MARCHF10: variants seen among roughly 807,000 people sequenced by gnomAD.
MARCHF10 encodes the protein membrane associated ring-CH-type finger 10.
In MARCHF10, 64 loss-of-function variants were observed where a neutral mutation model predicts 76.2. The ratio of observed to expected loss-of-function variants is 0.84; its 90% CI spans 0.69 to 1.03. The LOEUF (loss-of-function observed/expected upper bound fraction) is 1.03. Among genes scored for constraint, MARCHF10 ranks in the 50% least tolerant of loss-of-function variants. The probability of loss-of-function intolerance (pLI) is 0.00; values close to 1 mark genes in which losing one functional copy is unlikely to be tolerated. For missense variants in MARCHF10, 875 were observed against 958.0 expected, an observed-to-expected ratio of 0.91 and a Z score of 1.14; for synonymous variants, 340 against 357.5, an observed-to-expected ratio of 0.95 and a Z score of 0.55.
chr17:62,743,487 C>T (rs1320065409), intron 5 of MARCHF10, among the ~76,000 whole-genome samples: 5 of 151,958 alleles, frequency 3.3e-5, no homozygotes, highest in Admixed American at 3.3e-4. Context: ...TACCAAGATA[C>T]AAAAAATTAG....
chr17:62,736,106 G>A lies in MARCHF10; in HGVS notation c.1762C>T (p.His588Tyr), dbSNP rs752301094. 2 of 1,614,152 alleles carry A rather than the reference G, an allele frequency of 1.2e-6. No individual in the cohort carries two copies. The highest frequency in any genetic ancestry group is 2.2e-5 in the South Asian group (2 of 91,078). The change falls in exon 6 of 11, where the codon CAT (histidine) becomes TAT (tyrosine). Residue 588 changes from histidine to tyrosine, a missense_variant. By Grantham distance (83) the His-to-Tyr change is moderately conservative. Transcript: ENST00000311269. ...SSPSRMNSEG[H>Y]LHVSGSLQEN... The stretch of plus-strand genomic sequence containing the variant: ...TGCAGAGACCCAGACACATGCAAAT[G>A]GCCTTCTGAGTTCATTCTTGATGGA...
At chr17:62,768,574 T>C (rs1380078717) in intron 3 of MARCHF10, among the ~76,000 whole-genome samples, 1 of 152,230 alleles carries the variant, frequency 6.6e-6, no homozygotes, top group African/African-American at 2.4e-5. Flanking sequence ...CAGCAATAGA[T>C]ACCTTTCTAG....
intron 3 of MARCHF10, among the ~76,000 whole-genome samples, chr17:62,785,114 G>A (rs979519014): frequency 1.3e-5 from 2 of 152,118 alleles, no homozygotes; most frequent in African/African-American, 4.8e-5. Flanking sequence ...CATGCTACCT[G>A]ACTTCAAACT....
At chr17:62,794,067 C>T (rs2148169622) in intron 2 of MARCHF10, among the ~76,000 whole-genome samples, 1 of 151,110 alleles carries the variant, frequency 6.6e-6, no homozygotes. Flanking sequence ...TCACCACCTC[C>T]ATCACCACCA....
intron 2 of MARCHF10, among the ~76,000 whole-genome samples, chr17:62,791,795 A>C (rs189041917): frequency 6.6e-6 from 1 of 152,242 alleles, no homozygotes; most frequent in East Asian, 1.9e-4. Context: ...TTGTAATTGT[A>C]AATGATTTTC....
At chr17:62,752,026 G>GA (rs772541806) in intron 4 of MARCHF10, among the ~76,000 whole-genome samples, 304 of 132,480 alleles carry the variant, frequency 2.3e-3, no homozygotes, top group African/African-American at 6.7e-3. Context: ...TCTCAAAAAA[G>GA]AAAAAAAAAA....
At chr17:62,705,048 ACCT>A in intron 10 of MARCHF10, 4 of 998,892 alleles carry the variant, frequency 4.0e-6, no homozygotes, top group Non-Finnish European at 1.2e-6. Context: ...TTCTTGGGAG[ACCT>A]GTTTGCTTTG....
In MARCHF10 at chr17:62,727,306, GACAGAAAAGC is replaced by G. The variant is rs1019504210; in HGVS notation, c.1938-2212_1938-2203del. Among the ~76,000 whole-genome samples, 49 of 152,252 alleles carry G rather than the reference GACAGAAAAGC, an allele frequency of 3.2e-4. 1 individual carries two copies. In the East Asian group the frequency reaches 8.5e-3, roughly 26 times the overall value. On this transcript the variant is annotated intron_variant, in intron 6 of 10. Transcript: ENST00000311269. ...TTTTAACAAATAAAAGTGAAGAAGA[GACAGAAAAGC>G]ACAGAAAAGAAAAGGAGAATCAAGC...
At chr17:62,731,597 A>G (rs765938872) in intron 6 of MARCHF10, among the ~76,000 whole-genome samples, 9 of 152,228 alleles carry the variant, frequency 5.9e-5, no homozygotes, top group Non-Finnish European at 1.2e-4. Flanking sequence ...TAAAAAGCAT[A>G]GAAATTCCTG....
At chr17:62,723,769 G>A (rs1568113366) in intron 7 of MARCHF10, among the ~76,000 whole-genome samples, 1 of 151,986 alleles carries the variant, frequency 6.6e-6, no homozygotes, top group Admixed American at 6.6e-5. Context: ...GGATTGCATG[G>A]CAGAGTCGTT....
chr17:62,745,003 CA>C (rs371677963), intron 4 of MARCHF10, among the ~76,000 whole-genome samples: 7,658 of 97,888 alleles, frequency 0.078, 372 homozygotes, highest in African/African-American at 0.19. Context: ...GACTCCATCT[CA>C]AAAAAAAAAA....
In MARCHF10 at chr17:62,767,450, C is replaced by CCTTTTTTTTTTTTTTTTT. The variant is rs67106553; in HGVS notation, c.211-7445_211-7444insAAAAAAAAAAAAAAAAAG. Among the ~76,000 whole-genome samples, 14 of 134,790 alleles carry CCTTTTTTTTTTTTTTTTT rather than the reference C, an allele frequency of 1.0e-4. 6 individuals carry two copies. The highest frequency in any genetic ancestry group is 1.6e-4 in the Non-Finnish European group (10 of 64,278). The allele number at this position is 134,790 out of a possible 152,430, so 88.4% of individuals were successfully genotyped here. ...AGCTTTGAATTGGTGGGTCTGTATT[C>CCTTTTTTTTTTTTTTTTT]TTTTTTTTTTTTTTTTTTGAGATGG... On this transcript the variant is annotated intron_variant, in intron 3 of 10. Coordinates refer to ENST00000311269, the MANE Select transcript of MARCHF10 (RefSeq NM_152598.4).
intron 2 of MARCHF10, among the ~76,000 whole-genome samples, chr17:62,793,493 CCA>C: frequency 9.2e-6 from 1 of 108,360 alleles, no homozygotes; most frequent in South Asian, 3.5e-4. Context: ...ACCTCCATCA[CCA>C]CCACCACCTC....
chr17:62,728,124 A>G (rs2090849907), intron 6 of MARCHF10, among the ~76,000 whole-genome samples: 1 of 152,218 alleles, frequency 6.6e-6, no homozygotes, highest in African/African-American at 2.4e-5. Context: ...TCCTGTGCTC[A>G]GCTGATCCTC....
At position 62,711,608 on chromosome 17, in the gene MARCHF10, C is replaced by A. The variant is rs1202573600; in HGVS notation, c.2215-264G>T. On this transcript the variant is annotated intron_variant, in intron 8 of 10. Transcript: ENST00000311269. The surrounding 1 kb of genome is among the most constrained non-coding windows in gnomAD (Gnocchi z 4.4). Reference sequence around the variant, plus strand: ...ATTTTCCAGGCTCAATCCCATTCCACATTTATTGAGCAGTTACATATGCAA... The same window carrying A: ...ATTTTCCAGGCTCAATCCCATTCCAAATTTATTGAGCAGTTACATATGCAA... Among the ~76,000 whole-genome samples, 2 of 152,212 alleles carry A rather than the reference C, an allele frequency of 1.3e-5. No homozygotes were observed. Among genetic ancestry groups the A allele is most frequent in the African/African-American group, 4.8e-5 (2 of 41,456 alleles).
At chr17:62,702,952 C>T (rs776282394) in intron 10 of MARCHF10, among the ~76,000 whole-genome samples, 29 of 152,198 alleles carry the variant, frequency 1.9e-4, no homozygotes, top group Non-Finnish European at 4.3e-4. Context: ...TGCCCCTGTC[C>T]TCATCTGTTT....
At position 62,736,753 on chromosome 17, in the gene MARCHF10, C is replaced by T. The variant is rs2091284797; in HGVS notation, c.1115G>A (p.Arg372Lys). 1 of 1,614,190 alleles carries T rather than the reference C, an allele frequency of 6.2e-7. No individual in the cohort carries two copies. The highest frequency in any genetic ancestry group is 8.5e-7 in the Non-Finnish European group (1 of 1,180,040). Reference sequence around the variant, plus strand: ...AGGCAGCCCGGGGTCTTGGGACAACCTTTGCCCAGCAGAAGGCCGCTCTGT... The same window carrying T: ...AGGCAGCCCGGGGTCTTGGGACAACTTTTGCCCAGCAGAAGGCCGCTCTGT... Reference protein sequence around the residue: ...PATERPSAGQRLSQDPGLPDR... With the variant: ...PATERPSAGQKLSQDPGLPDR... The change falls in exon 6 of 11, where the codon AGG (arginine) becomes AAG (lysine). Residue 372 changes from arginine to lysine, a missense_variant. Coordinates refer to ENST00000311269, the MANE Select transcript of MARCHF10 (RefSeq NM_152598.4).
At chr17:62,747,721 T>C (rs901220616) in intron 4 of MARCHF10, among the ~76,000 whole-genome samples, 1 of 152,246 alleles carries the variant, frequency 6.6e-6, no homozygotes, top group East Asian at 1.9e-4. Context: ...CAGAAACTCA[T>C]TGTTATGCAG....
chr17:62,797,036 A>G (rs980381228), intron 2 of MARCHF10, among the ~76,000 whole-genome samples: 1 of 152,196 alleles, frequency 6.6e-6, no homozygotes, highest in East Asian at 1.9e-4. Flanking sequence ...GGGAGAAAAA[A>G]AGACAATTTG....
Sources: allele counts gnomAD v4.1 joint callset (sites outside exome capture counted in the v4.1 genomes callset), GRCh38; gene constraint gnomAD v4.1.1; non-coding constraint Gnocchi (gnomAD v3.1); transcripts MANE v1.5; gene names NCBI Gene and HGNC (gene_info 2026-07-23, HGNC 2026-07-21).